Variants in BRCA1 observed in about 807,000 individuals in gnomAD.
BRCA1 encodes BRCA1 DNA repair associated.
In BRCA1, 140 loss-of-function variants were observed where a neutral mutation model predicts 173.7. The observed-to-expected ratio is 0.81, with a 90% CI of 0.70 to 0.93. The LOEUF (loss-of-function observed/expected upper bound fraction) is 0.93, where lower values mean the gene tolerates loss of function less well. BRCA1 is among the 40% of genes least tolerant of loss of function. The pLI is 0.00. For synonymous variants in BRCA1, 662 were observed against 756.0 expected, an observed-to-expected ratio of 0.88 and a Z score of 2.04; for missense variants, 1,983 against 2,172.5, an observed-to-expected ratio of 0.91 and a Z score of 1.73.
intron 22 of BRCA1, among the ~76,000 whole-genome samples, chr17:43,047,238 T>C (rs1007778490): frequency 6.6e-6 from 1 of 152,116 alleles, no homozygotes; most frequent in Non-Finnish European, 1.5e-5. Flanking sequence ...TAGCTGCGAC[T>C]ACAGGCATCT....
At chr17:43,102,081 T>C (rs1026168947) in intron 6 of BRCA1, among the ~76,000 whole-genome samples, 1 of 151,790 alleles carries the variant, frequency 6.6e-6, no homozygotes, top group South Asian at 2.1e-4. Flanking sequence ...TTTTTTTGTT[T>C]TTTTTTTGAG....
intron 3 of BRCA1, among the ~76,000 whole-genome samples, chr17:43,107,576 G>A (rs556949757): frequency 6.9e-4 from 105 of 151,710 alleles, no homozygotes; most frequent in African/African-American, 2.5e-3. Context: ...TCACCATGTT[G>A]GCTAGTCTTG....
intron 2 of BRCA1, among the ~76,000 whole-genome samples, chr17:43,122,864 G>C (rs1248547945): frequency 6.6e-6 from 1 of 151,426 alleles, no homozygotes. Flanking sequence ...GGCTAACACG[G>C]TGAAATCCCG....
chr17:43,063,599 T>A (rs981569516), intron 17 of BRCA1, among the ~76,000 whole-genome samples: 3 of 152,202 alleles, frequency 2.0e-5, no homozygotes, highest in Admixed American at 2.0e-4. Flanking sequence ...TGCACATGGA[T>A]TCCTGCCGAC....
At chr17:43,127,227 G>A (rs1046050146), upstream of BRCA1, among the ~76,000 whole-genome samples, 4 of 152,234 alleles carry the variant, frequency 2.6e-5, no homozygotes, top group African/African-American at 4.8e-5. Flanking sequence ...ACAGCCCTGC[G>A]CAGGATCCAC....
chr17:43,141,838 A>G (rs1233652041), intron 1 of BRCA1, among the ~76,000 whole-genome samples: 3 of 152,126 alleles, frequency 2.0e-5, no homozygotes, highest in Non-Finnish European at 4.4e-5. Context: ...AATTATGTAA[A>G]TATGCCAAAA....
chr17:43,108,378 T>C (rs2054883726), intron 3 of BRCA1, among the ~76,000 whole-genome samples: 1 of 150,108 alleles, frequency 6.7e-6, no homozygotes, highest in Non-Finnish European at 1.5e-5. Flanking sequence ...AAAAGACACT[T>C]AGAGAATATT....
At position 43,092,026 on chromosome 17, in the gene BRCA1, C is replaced by A. The variant is rs876659269; in HGVS notation, c.3505G>T (p.Asp1169Tyr). 6.2e-7 allele frequency: 1 copy of A among 1,614,076 alleles called. No homozygotes were observed. Among genetic ancestry groups the A allele is most frequent in the Non-Finnish European group, 8.5e-7 (1 of 1,180,028 alleles). ...AAAACAGCAGAACTTTCCTTAATGT[C>A]ATTTTCAGCAAAACTAGTATCTTCC... ...IKEDTSFAEN[D>Y]IKESSAVFSK... Residue 1169 changes from aspartate (D) to tyrosine (Y), a missense_variant, in exon 10 of 23, where the codon GAC becomes TAC. Coordinates refer to ENST00000357654, the MANE Select transcript of BRCA1 (RefSeq NM_007294.4).
rs1555587505 is a variant in BRCA1 at position 43,091,975 on chromosome 17, G to C, written c.3556C>G (p.Leu1186Val). The C allele has an allele frequency of 6.2e-7, 1 of 1,614,106 alleles. No individual in the cohort carries two copies. The highest frequency in any genetic ancestry group is 8.5e-7 in the Non-Finnish European group (1 of 1,180,012). The change falls in exon 10 of 23, where the codon CTT becomes GTT. Residue 1186 changes from leucine (L) to valine (V), a missense_variant. Physicochemically the swap from Leu to Val is conservative, Grantham distance 32. Transcript: ENST00000357654. ...GTGAAAGGGCTAGGACTCCTGCTAA[G>C]CTCTCCTTTCTGGACGCTTTTGCTA... is the stretch of plus-strand genomic sequence containing the variant. Reference protein sequence around the residue: ...VFSKSVQKGELSRSPSPFTHT... With the variant: ...VFSKSVQKGEVSRSPSPFTHT...
chr17:43,063,799 G>A, intron 17 of BRCA1, 75 bp downstream of exon 17: 1 of 1,204,066 alleles, frequency 8.3e-7, no homozygotes, highest in Non-Finnish European at 1.2e-6. Context: ...AAAAACCTTA[G>A]GTGTTAAACG....
chr17:43,072,913 C>G (rs1217340107), intron 14 of BRCA1, among the ~76,000 whole-genome samples: 1 of 150,552 alleles, frequency 6.6e-6, no homozygotes, highest in African/African-American at 2.4e-5. Context: ...GATCAGGTCT[C>G]GCTACATTGC....
chr17:43,160,877 G>A (rs1182312412), intron 1 of BRCA1: 1 of 152,146 alleles, frequency 6.6e-6, no homozygotes, highest in African/African-American at 2.4e-5. Context: ...ATCATTTGAA[G>A]AAGTACAGGT....
At chr17:43,071,785 C>T (rs894948347) in intron 14 of BRCA1, among the ~76,000 whole-genome samples, 1 of 150,286 alleles carries the variant, frequency 6.7e-6, no homozygotes, top group Non-Finnish European at 1.5e-5. Flanking sequence ...GGGTGGATCA[C>T]GAGGTCAGGA....
chr17:43,069,649 A>G (rs1457113998), intron 15 of BRCA1, among the ~76,000 whole-genome samples: 1 of 152,204 alleles, frequency 6.6e-6, no homozygotes, highest in African/African-American at 2.4e-5. Flanking sequence ...ATGAGATGAA[A>G]ACATTTATAG....
chr17:43,149,114 C>G (rs977763275), intron 1 of BRCA1, among the ~76,000 whole-genome samples: 4 of 151,494 alleles, frequency 2.6e-5, no homozygotes, highest in African/African-American at 9.7e-5. Flanking sequence ...TTTTTTCCCC[C>G]CCGAGACAGA....
chr17:43,143,303 A>G (rs962428661), intron 1 of BRCA1, among the ~76,000 whole-genome samples: 2 of 151,994 alleles, frequency 1.3e-5, no homozygotes, highest in Non-Finnish European at 2.9e-5. Context: ...AGATAAAGAC[A>G]CTTTTCATTC....
chr17:43,137,874 C>CCAAAA (rs1026708616), intron 1 of BRCA1, among the ~76,000 whole-genome samples: 7 of 151,990 alleles, frequency 4.6e-5, no homozygotes, highest in Middle Eastern at 3.4e-3. Context: ...AAGACCATCT[C>CCAAAA]CAAAACAAAA....
At position 43,091,432 on chromosome 17, in the gene BRCA1, T is replaced by C. The variant is rs80358015; in HGVS notation, c.4096+3A>G. 3 of 1,613,964 alleles carry C rather than the reference T, an allele frequency of 1.9e-6. No homozygotes were observed. The highest frequency in any genetic ancestry group is 2.5e-6 in the Non-Finnish European group (3 of 1,179,966). Reference sequence around the variant, plus strand: ...GGCAAACACAAAAACCTGGTTCCAATACCTAAGTTTGAATCCATGCTTTGC... The same window carrying C: ...GGCAAACACAAAAACCTGGTTCCAACACCTAAGTTTGAATCCATGCTTTGC... On this transcript the variant is annotated splice_donor_region_variant and intron_variant, in intron 10 of 22. Transcript: ENST00000357654.
intron 9 of BRCA1, among the ~76,000 whole-genome samples, chr17:43,095,615 C>T (rs1434878008): frequency 1.3e-5 from 2 of 150,382 alleles, no homozygotes; most frequent in African/African-American, 4.9e-5. Context: ...AAAAAAAAAA[C>T]GAAAGGGCAA....
Sources: gnomAD v4.1 joint callset for allele counts (sites outside exome capture counted in the v4.1 genomes callset) on GRCh38, gnomAD v4.1.1 for gene constraint, MANE v1.5 for transcripts, NCBI Gene and HGNC (gene_info 2026-07-23, HGNC 2026-07-21) for gene names.